The following TRIM37 variants were observed in gnomAD, a reference collection of about 807,000 sequenced individuals.
TRIM37 encodes the protein E3 ubiquitin-protein ligase TRIM37.
In TRIM37, 80 loss-of-function variants were observed where a neutral mutation model predicts 129.8. That is an observed-to-expected ratio of 0.62 (90% CI 0.51 to 0.74). The LOEUF (loss-of-function observed/expected upper bound fraction) is 0.74. TRIM37 is among the 30% of genes least tolerant of loss of function. TRIM37 has a pLI of 0.00. For synonymous variants in TRIM37, 389 were observed against 387.1 expected (o/e 1.00, Z -0.06); for missense variants, 1,054 against 1,176.5 (o/e 0.90, Z 1.52).
chr17:59,038,879 T>C (rs879501693), intron 17 of TRIM37, among the ~76,000 whole-genome samples: 1 of 152,166 alleles, frequency 6.6e-6, no homozygotes, highest in Non-Finnish European at 1.5e-5. Flanking sequence ...ATAAGCAATA[T>C]TGAAACAATT....
At chr17:58,979,496 A>G (rs1460612511), downstream of TRIM37, among the ~76,000 whole-genome samples, 1 of 152,230 alleles carries the variant, frequency 6.6e-6, no homozygotes, top group African/African-American at 2.4e-5. Flanking sequence ...CAAGAATAGA[A>G]CAAAAATTAT....
chr17:59,065,327 C>T (rs1342198522), intron 9 of TRIM37, among the ~76,000 whole-genome samples: 2 of 152,108 alleles, frequency 1.3e-5, no homozygotes, highest in Admixed American at 6.5e-5. Flanking sequence ...ATTAACAGAC[C>T]TCAAATACTT....
At position 59,090,933 on chromosome 17, in the gene TRIM37, C is replaced by T. The variant is rs182066752; in HGVS notation, c.164+367G>A. The stretch of plus-strand genomic sequence containing the variant: ...GAGCGAGCCACTGTGCCCGGCCAAG[C>T]TATCTGGATTTTTTTAACCAGAAAA... On this transcript the variant is annotated intron_variant, in intron 3 of 23. Coordinates refer to ENST00000262294, the MANE Select transcript of TRIM37 (RefSeq NM_015294.6). Among the ~76,000 whole-genome samples the T allele has an allele frequency of 3.6e-3, 547 of 152,070 alleles. 3 individuals are homozygous for T. The highest frequency in any genetic ancestry group is 3.5e-3 in the Non-Finnish European group (236 of 67,974).
chr17:59,064,627 G>C (rs1718017968), intron 9 of TRIM37, among the ~76,000 whole-genome samples: 1 of 152,028 alleles, frequency 6.6e-6, no homozygotes, highest in Admixed American at 6.6e-5. Flanking sequence ...AAAGTTTTTT[G>C]GCTGGGTGAG....
In TRIM37 at chr17:59,017,256, T is replaced by C. The variant is rs4932691; in HGVS notation, c.2386+40A>G. On this transcript the variant is annotated intron_variant, in intron 20 of 23. Coordinates refer to ENST00000262294, the MANE Select transcript of TRIM37 (RefSeq NM_015294.6). Reference sequence around the variant, plus strand: ...AACATCAATTTCAGGTAATAAATATTTACCCCACTAAAAGTACATTCTGAA... The same window carrying C: ...AACATCAATTTCAGGTAATAAATATCTACCCCACTAAAAGTACATTCTGAA... The C allele has an allele frequency of 0.63, 1,013,776 of 1,606,868 alleles. 323,502 individuals are homozygous for C. Among genetic ancestry groups the C allele is most frequent in the African/African-American group, 0.84 (62,939 of 74,786 alleles).
the TRIM37 span, among the ~76,000 whole-genome samples, chr17:58,975,611 G>A: frequency 6.6e-6 from 1 of 152,178 alleles, no homozygotes; most frequent in African/African-American, 2.4e-5. Flanking sequence ...AATACACAGG[G>A]GTTTGAAAAG....
At chr17:59,090,438 C>G (rs921939423) in intron 3 of TRIM37, among the ~76,000 whole-genome samples, 1 of 152,026 alleles carries the variant, frequency 6.6e-6, no homozygotes, top group African/African-American at 2.4e-5. Context: ...TAGGGCATTA[C>G]AAAATACATG....
intron 9 of TRIM37, among the ~76,000 whole-genome samples, chr17:59,066,121 T>C (rs1015147950): frequency 2.6e-5 from 4 of 152,182 alleles, no homozygotes; most frequent in Non-Finnish European, 5.9e-5. Flanking sequence ...GTCTTCCCAT[T>C]ATATGATCTC....
rs963536369 is a variant in TRIM37 at position 59,015,878 on chromosome 17, T to C, written c.2387-79A>G. 30 of 1,408,590 alleles carry C rather than the reference T, an allele frequency of 2.1e-5. No individual in the cohort carries two copies. In the South Asian group the frequency reaches 2.6e-4, roughly 12 times the overall value. The allele number at this position is 1,408,590 out of a possible 1,614,324, so 87.3% of individuals were successfully genotyped here. ...CCTGTAATCCCAGCTACTTGGGAGG[T>C]TGAAACACAAGGATCACTTGAACCT... On this transcript the variant is annotated intron_variant, in intron 20 of 23. Coordinates refer to ENST00000262294, the MANE Select transcript of TRIM37 (RefSeq NM_015294.6).
intron 16 of TRIM37, among the ~76,000 whole-genome samples, chr17:59,042,193 G>A (rs1308921888): frequency 2.0e-5 from 3 of 150,720 alleles, no homozygotes; most frequent in Admixed American, 6.7e-5. Context: ...TGGCTAACAC[G>A]GTGAAACCCT....
intron 5 of TRIM37, 58 bp downstream of exon 5, chr17:59,083,944 G>T (rs2043530428): frequency 7.4e-7 from 1 of 1,343,850 alleles, no homozygotes; most frequent in East Asian, 2.3e-5. Flanking sequence ...ATCTGAATAA[G>T]TATTTCAGTG....
chr17:59,057,522 A>G (rs1239817354), intron 12 of TRIM37, among the ~76,000 whole-genome samples: 3 of 151,820 alleles, frequency 2.0e-5, no homozygotes, highest in African/African-American at 2.4e-5. Context: ...AAAGAGCAGT[A>G]TTTTTTTGTT....
chr17:59,079,024 C>T (rs1241943879), intron 7 of TRIM37, among the ~76,000 whole-genome samples: 1 of 147,704 alleles, frequency 6.8e-6, no homozygotes, highest in Non-Finnish European at 1.5e-5. Flanking sequence ...AAAGACATGG[C>T]TAAAATCTTG....
intron 9 of TRIM37, 70 bp downstream of exon 9, chr17:59,070,753 T>C (rs764787425): frequency 6.6e-6 from 10 of 1,509,456 alleles, no homozygotes; most frequent in Non-Finnish European, 9.1e-6. Context: ...AAAAAAACAT[T>C]CTTTTGAAAC....
rs935421932 is a variant in TRIM37, at chr17:59,047,687, T to C, written c.1663A>G (p.Thr555Ala). The C allele has an allele frequency of 5.6e-6, 9 of 1,613,154 alleles. No individual in the cohort carries two copies. Among genetic ancestry groups the C allele is most frequent in the African/African-American group, 1.3e-5 (1 of 74,942 alleles). ...NTEENDIDEETMSGENDVEYN... is the reference protein window; with the variant it reads ...NTEENDIDEEAMSGENDVEYN... The stretch of plus-strand genomic sequence containing the variant: ...GTAGTAAAGTGGGAAACTCACATAG[T>C]TTCTTCATCAATATCATTTTCTTCT... Residue 555 changes from threonine to alanine, a missense_variant, in exon 16 of 24, where the codon ACT (threonine) becomes GCT (alanine). By Grantham distance (58) the Thr-to-Ala change is moderately conservative (BLOSUM62 0). This residue lies in a region of TRIM37 where 752 missense variants were observed against 870.8 expected (regional missense o/e 0.86). Transcript: ENST00000262294.
intron 12 of TRIM37, 35 bp downstream of exon 12, chr17:59,060,997 G>C: frequency 6.5e-7 from 1 of 1,526,752 alleles, no homozygotes. Flanking sequence ...GTATGTAAAT[G>C]CACATTAAGG....
At chr17:58,997,890 G>A (rs1201691258), downstream of TRIM37, among the ~76,000 whole-genome samples, 2 of 152,058 alleles carry the variant, frequency 1.3e-5, no homozygotes, top group African/African-American at 2.4e-5. Context: ...GGAAAACAGC[G>A]GTGTTCCCGA....
chr17:59,025,075 C>G (rs1466978368), intron 19 of TRIM37, among the ~76,000 whole-genome samples: 1 of 152,184 alleles, frequency 6.6e-6, no homozygotes, highest in Non-Finnish European at 1.5e-5. Context: ...CTGGCAATTT[C>G]AGTTGTTTCG....
At chr17:59,034,821 A>C (rs1484337082) in intron 17 of TRIM37, among the ~76,000 whole-genome samples, 1 of 152,106 alleles carries the variant, frequency 6.6e-6, no homozygotes, top group African/African-American at 2.4e-5. Context: ...CCAGATGAAG[A>C]AATATATTAT....
Sources: allele counts gnomAD v4.1 joint callset (sites outside exome capture counted in the v4.1 genomes callset), GRCh38; gene constraint gnomAD v4.1.1; regional missense constraint gnomAD v4.1.1; transcripts MANE v1.5; gene names NCBI Gene and HGNC (gene_info 2026-07-23, HGNC 2026-07-21).